CFH: variants seen among roughly 807,000 people sequenced by gnomAD.
CFH encodes complement factor H, also known as H factor 1 (complement).
A neutral mutation model predicts 147.3 loss-of-function variants in CFH; 53 were observed. That is an observed-to-expected ratio of 0.36 (90% confidence interval 0.29 to 0.45). The LOEUF is 0.45. CFH is among the 20% of genes least tolerant of loss of function. The pLI is 1.00. For synonymous variants in CFH, 536 were observed against 489.4 expected, an observed-to-expected ratio of 1.10 and a Z score of -1.26; for missense variants, 1,380 against 1,498.0, an observed-to-expected ratio of 0.92 and a Z score of 1.30.
At chr1:196,690,817 G>T (rs186605650) in intron 9 of CFH, among the ~76,000 whole-genome samples, 71 of 152,160 alleles carry the variant, frequency 4.7e-4, no homozygotes, top group Non-Finnish European at 8.1e-4. Context: ...GAAGCTGGCC[G>T]CCCCACCCTA....
intron 14 of CFH, 60 bp from the exon 15 acceptor site, chr1:196,728,286 T>A: frequency 9.1e-7 from 1 of 1,104,874 alleles, no homozygotes; most frequent in Non-Finnish European, 1.3e-6. Context: ...ACTATTTTTA[T>A]GTAATAGTTG....
chr1:196,694,842 G>C (rs1668196608), intron 9 of CFH, among the ~76,000 whole-genome samples: 1 of 152,152 alleles, frequency 6.6e-6, no homozygotes, highest in African/African-American at 2.4e-5. Flanking sequence ...CCTACTTTTT[G>C]ATGGGGTTGT....
chr1:196,668,706 T>C (rs11809183), intron 1 of CFH, among the ~76,000 whole-genome samples: 2,011 of 152,316 alleles, frequency 0.013, 56 homozygotes, highest in African/African-American at 0.045. Flanking sequence ...TCCTCTCTTC[T>C]TCTTCACCTT....
Sources: gnomAD v4.1 joint callset for allele counts (sites outside exome capture counted in the v4.1 genomes callset) on GRCh38, gnomAD v4.1.1 for gene constraint, MANE v1.5 for transcripts, NCBI Gene and HGNC (gene_info 2026-07-23, HGNC 2026-07-21) for gene names.